ZBTB25: variants seen among roughly 807,000 people sequenced by gnomAD.
The protein encoded by ZBTB25 is zinc finger and BTB domain-containing protein 25.
In ZBTB25, 20 loss-of-function variants were observed where a neutral mutation model predicts 34.2. The observed-to-expected ratio is 0.58, with a 90% CI of 0.41 to 0.85. The LOEUF (loss-of-function observed/expected upper bound fraction) is 0.85, where lower values mean the gene tolerates loss of function less well. ZBTB25 is among the 40% of genes least tolerant of loss of function. ZBTB25 has a pLI of 0.00. For synonymous variants in ZBTB25, 175 were observed against 186.4 expected, an observed-to-expected ratio of 0.94 and a Z score of 0.50; for missense variants, 437 against 521.8, an observed-to-expected ratio of 0.84 and a Z score of 1.58.
intron 1 of ZBTB25, among the ~76,000 whole-genome samples, chr14:64,496,125 T>C (rs901198135): frequency 1.3e-5 from 2 of 152,200 alleles, no homozygotes; most frequent in Non-Finnish European, 2.9e-5. Context: ...AGAGCAGCCC[T>C]ACTCAACCAT....
At chr14:64,465,816 CCCTT>C (rs1462881848) in intron 2 of ZBTB25, among the ~76,000 whole-genome samples, 1 of 152,190 alleles carries the variant, frequency 6.6e-6, no homozygotes, top group Non-Finnish European at 1.5e-5. Flanking sequence ...CCCACCTATC[CCCTT>C]CGCGTTACAG....
Position 64,484,214 on chromosome 14 carries a change from C to T in ZBTB25, c.*2709G>A, listed in dbSNP as rs979171917. 2.0e-5 allele frequency: 3 copies of T among 152,182 alleles called. No individual in the cohort carries two copies. The highest frequency in any genetic ancestry group is 2.9e-5 in the Non-Finnish European group (2 of 68,026). The allele number at this position is 152,182 out of a possible 1,614,324, so 9.4% of individuals were successfully genotyped here. ...TAACCACTATTTTCTTAACTCTCAACGAACAGATATATTTCTGCTTTAAAT... is the reference window on the plus strand; with the variant it reads ...TAACCACTATTTTCTTAACTCTCAATGAACAGATATATTTCTGCTTTAAAT... On this transcript the variant is annotated 3_prime_UTR_variant, in exon 3 of 3. Transcript: ENST00000608382.
In ZBTB25 at chr14:64,487,191, CT is replaced by C; in HGVS notation, c.1039del (p.Arg347GlufsTer3). 6.2e-7 allele frequency: 1 copy of C among 1,613,866 alleles called. No individual in the cohort carries two copies. The highest frequency in any genetic ancestry group is 8.5e-7 in the Non-Finnish European group (1 of 1,179,940). On this transcript the variant is annotated frameshift_variant, in exon 3 of 3. Coordinates refer to ENST00000608382, the MANE Select transcript of ZBTB25 (RefSeq NM_006977.5). LOFTEE classifies it high-confidence loss of function. Reference sequence around the variant, plus strand: ...ACCACAGATGGTACAGCTCATTTTTCTTTTCCTTGAAAAAGAAAAATTACAG... The same window carrying C: ...ACCACAGATGGTACAGCTCATTTTTCTTTCCTTGAAAAAGAAAAATTACAG... ...LNCNFSFSRK[R>X]KMSCTICGHK...
rs2079120619 is a variant in ZBTB25, at chr14:64,492,554, G to C, written c.-7-2014C>G. Among the ~76,000 whole-genome samples, 3 of 150,668 alleles carry C rather than the reference G, an allele frequency of 2.0e-5. No homozygotes were observed. In the South Asian group the frequency reaches 6.3e-4, roughly 32 times the overall value. On this transcript the variant is annotated intron_variant, in intron 1 of 2. Transcript: ENST00000608382. ...GTGAAAAACGTGTCTTAGAATCAAT[G>C]AAATGGTTCATATTGAAGCATCTTA...
Position 64,469,679 on chromosome 14 carries a change from C to T in ZBTB25, c.174-20041G>A, listed in dbSNP as rs2078647345. 6 of 1,557,460 alleles carry T rather than the reference C, an allele frequency of 3.9e-6. No individual in the cohort carries two copies. The East Asian group carries it at 1.4e-4, about 35-fold the overall frequency. On this transcript the variant is annotated intron_variant, in intron 2 of 2. Transcript: ENST00000555220. ...TAAAATAAACAATCTTCTACAGTGA[C>T]TTACTCTCCAGAGTCACGGCAGAAA...
downstream of ZBTB25, among the ~76,000 whole-genome samples, chr14:64,475,636 T>C (rs1268942994): frequency 1.3e-5 from 2 of 152,194 alleles, no homozygotes; most frequent in Non-Finnish European, 2.9e-5. Flanking sequence ...TTAAGCTTAC[T>C]GGGGGTTAAG....
intron 2 of ZBTB25, 104 bp from the exon 3 acceptor site, chr14:64,488,161 C>G: frequency 6.8e-7 from 1 of 1,467,462 alleles, no homozygotes; most frequent in South Asian, 1.4e-5. Flanking sequence ...CTAAGAAGTT[C>G]GAACCTAGCA....
rs774024363 is a variant in ZBTB25, at chr14:64,487,524, T to C, written c.707A>G (p.Lys236Arg). 2.5e-6 allele frequency: 4 copies of C among 1,612,884 alleles called. No homozygotes were observed. The highest frequency in any genetic ancestry group is 1.3e-5 in the African/African-American group (1 of 75,018). Residue 236 changes from lysine to arginine, a missense_variant, in exon 3 of 3, where the codon AAA becomes AGA. Physicochemically the swap from Lys to Arg is conservative, Grantham distance 26. Coordinates refer to ENST00000608382, the MANE Select transcript of ZBTB25 (RefSeq NM_006977.5). ...TGPTFTENSV[K>R]IHLCHYCGER... ...CCCACAGTAATGGCATAAGTGTATT[T>C]TGACACTGTTTTCAGTAAAAGTGGG...
intron 2 of ZBTB25, chr14:64,453,716 T>C: frequency 8.2e-7 from 1 of 1,226,516 alleles, no homozygotes; most frequent in South Asian, 1.2e-5. Flanking sequence ...CTCACATGTG[T>C]CCAGTCATGG....
intron 2 of ZBTB25, chr14:64,458,204 T>C (rs2078506143): frequency 2.5e-6 from 4 of 1,595,142 alleles, no homozygotes. Flanking sequence ...AATGCTTTTT[T>C]ACATCCTAGA....
At chr14:64,464,183 A>C (rs1406198935) in intron 2 of ZBTB25, among the ~76,000 whole-genome samples, 1 of 141,538 alleles carries the variant, frequency 7.1e-6, no homozygotes, top group Admixed American at 6.9e-5. Flanking sequence ...CTGGGACCAT[A>C]CGTGCACCAC....
chr14:64,487,606 C>A lies in ZBTB25; in HGVS notation c.625G>T (p.Asp209Tyr). Residue 209 changes from aspartate (D) to tyrosine (Y), a missense_variant, in exon 3 of 3, where the codon GAC becomes TAC. By Grantham distance (160) the Asp-to-Tyr change is radical. Transcript: ENST00000608382. ...CTCTGGGAGATCACAGATTCTGGGT[C>A]ACATCTCTCCTGCTTGATGGAAACT... Reference protein sequence around the residue: ...PPVSIKQERCDPESVISQSHP... With the variant: ...PPVSIKQERCYPESVISQSHP... 6.2e-7 allele frequency: 1 copy of A among 1,606,094 alleles called. No homozygotes were observed. The highest frequency in any genetic ancestry group is 1.1e-5 in the South Asian group (1 of 89,846).
exon 3 of ZBTB25, chr14:64,449,412 T>C: frequency 6.2e-7 from 1 of 1,610,034 alleles, no homozygotes; most frequent in South Asian, 1.1e-5. Flanking sequence ...CCAGCCATTT[T>C]CCATGCTTTG....
chr14:64,500,795 A>T (rs1566620478), intron 1 of ZBTB25, among the ~76,000 whole-genome samples: 1 of 152,184 alleles, frequency 6.6e-6, no homozygotes, highest in East Asian at 1.9e-4. Context: ...TCACACCTAT[A>T]ATCCCAGCAC....
At chr14:64,492,709 A>T (rs756172987) in intron 1 of ZBTB25, among the ~76,000 whole-genome samples, 2 of 152,200 alleles carry the variant, frequency 1.3e-5, no homozygotes, top group Non-Finnish European at 2.9e-5. Context: ...CACACTAATA[A>T]GCCACCCATA....
intron 1 of ZBTB25, among the ~76,000 whole-genome samples, chr14:64,496,798 A>G (rs1420816380): frequency 2.6e-5 from 4 of 152,220 alleles, no homozygotes. Context: ...CTGTTCTTAC[A>G]TAAGGGAGAT....
At chr14:64,496,328 CA>C (rs925355359) in intron 1 of ZBTB25, among the ~76,000 whole-genome samples, 242 of 144,600 alleles carry the variant, frequency 1.7e-3, no homozygotes, top group African/African-American at 5.2e-3. Flanking sequence ...ACTAAAAATA[CA>C]AAAAAAAAAG....
At chr14:64,460,057 C>G in intron 2 of ZBTB25, 1 of 795,888 alleles carries the variant, frequency 1.3e-6, no homozygotes, top group East Asian at 2.7e-5. Flanking sequence ...CCACAGGTCT[C>G]TGCCATCCTT....
At chr14:64,468,834 A>C in intron 2 of ZBTB25, 1 of 1,614,106 alleles carries the variant, frequency 6.2e-7, no homozygotes, top group Non-Finnish European at 8.5e-7. Flanking sequence ...ATTATAGAAG[A>C]CTCAGACTGC....
Sources: gnomAD v4.1 joint callset for allele counts (sites outside exome capture counted in the v4.1 genomes callset) on GRCh38, gnomAD v4.1.1 for gene constraint, MANE v1.5 for transcripts, NCBI Gene and HGNC (gene_info 2026-07-23, HGNC 2026-07-21) for gene names.